Variants in NOL4 observed in about 807,000 individuals in gnomAD.
NOL4 encodes the protein cancer/testis antigen 125.
Under a neutral mutation model 75.9 loss-of-function variants are expected in NOL4, and 17 were observed. That is an observed-to-expected ratio of 0.22 (90% confidence interval 0.15 to 0.34). The LOEUF (loss-of-function observed/expected upper bound fraction) is 0.34. Ranked by LOEUF, NOL4 falls within the 10% of genes least tolerant of loss-of-function variation. The pLI, the probability that NOL4 is intolerant of heterozygous loss-of-function variation, is 1.00. For missense variants in NOL4, 614 were observed against 793.5 expected, an observed-to-expected ratio of 0.77 and a Z score of 2.72; for synonymous variants, 292 against 289.9, an observed-to-expected ratio of 1.01 and a Z score of -0.07.
intron 1 of NOL4, among the ~76,000 whole-genome samples, chr18:34,187,050 G>A (rs893513457): frequency 2.6e-5 from 4 of 152,028 alleles, no homozygotes; most frequent in African/African-American, 7.2e-5. Context: ...CACCCAGAGT[G>A]GACTTATAGT....
intron 9 of NOL4, among the ~76,000 whole-genome samples, chr18:33,918,245 G>A (rs2066841975): frequency 6.6e-6 from 1 of 152,142 alleles, no homozygotes; most frequent in African/African-American, 2.4e-5. Context: ...CACTGAGCAA[G>A]GCTGCTGGTT....
At chr18:33,967,293 G>A (rs929726079) in intron 6 of NOL4, among the ~76,000 whole-genome samples, 1 of 152,094 alleles carries the variant, frequency 6.6e-6, no homozygotes, top group Non-Finnish European at 1.5e-5. Flanking sequence ...AATGAAACTG[G>A]ACCACTACCT....
chr18:34,048,000 A>T (rs2076459526), intron 5 of NOL4, among the ~76,000 whole-genome samples: 2 of 152,152 alleles, frequency 1.3e-5, no homozygotes, highest in African/African-American at 4.8e-5. Flanking sequence ...ATGGATTTTT[A>T]AAATATGTAT....
intron 10 of NOL4, among the ~76,000 whole-genome samples, chr18:33,873,489 A>G (rs1313879271): frequency 1.3e-5 from 2 of 152,024 alleles, no homozygotes; most frequent in Non-Finnish European, 2.9e-5. Context: ...ATGTATTTCA[A>G]GATATTTCTC....
At chr18:33,962,037 G>A (rs887615701) in intron 6 of NOL4, among the ~76,000 whole-genome samples, 1 of 152,022 alleles carries the variant, frequency 6.6e-6, no homozygotes, top group African/African-American at 2.4e-5. Flanking sequence ...AATCCCTTGG[G>A]TACCAACCTT....
chr18:34,100,992 TA>T (rs2079019463), intron 4 of NOL4, among the ~76,000 whole-genome samples: 1 of 152,174 alleles, frequency 6.6e-6, no homozygotes, highest in African/African-American at 2.4e-5. Flanking sequence ...TTGTTCAGAT[TA>T]AAGACCTTGG....
chr18:34,062,483 A>G (rs2077103041), intron 5 of NOL4, among the ~76,000 whole-genome samples: 1 of 152,112 alleles, frequency 6.6e-6, no homozygotes, highest in African/African-American at 2.4e-5. Context: ...GAATTTATAA[A>G]TTAGCTAAAG....
At chr18:33,956,701 A>G (rs1189085733) in intron 8 of NOL4, among the ~76,000 whole-genome samples, 1 of 152,168 alleles carries the variant, frequency 6.6e-6, no homozygotes, top group Non-Finnish European at 1.5e-5. Context: ...CAGTAATCTA[A>G]TGTCAACATA....
intron 2 of NOL4, among the ~76,000 whole-genome samples, chr18:34,110,187 C>T (rs1226407202): frequency 3.7e-5 from 5 of 134,910 alleles, no homozygotes; most frequent in Non-Finnish European, 6.2e-5. Context: ...GGAACACTTC[C>T]AAGTTCATGT....
At chr18:33,886,828 T>G (rs1599747038) in intron 9 of NOL4, among the ~76,000 whole-genome samples, 1 of 137,790 alleles carries the variant, frequency 7.3e-6, no homozygotes, top group African/African-American at 2.6e-5. Flanking sequence ...TCTATATACA[T>G]ATATATCTAT....
chr18:33,906,307 C>A (rs1360435433), intron 9 of NOL4, among the ~76,000 whole-genome samples: 1 of 152,156 alleles, frequency 6.6e-6, no homozygotes, highest in Non-Finnish European at 1.5e-5. Flanking sequence ...CCTCTGGACT[C>A]CAACCCTTTC....
At chr18:34,008,497 A>G (rs2074185733) in intron 6 of NOL4, among the ~76,000 whole-genome samples, 1 of 151,968 alleles carries the variant, frequency 6.6e-6, no homozygotes, top group African/African-American at 2.4e-5. Context: ...GAAAAATGTA[A>G]AAATAAATAT....
intron 5 of NOL4, among the ~76,000 whole-genome samples, chr18:34,052,332 CT>C (rs999129149): frequency 1.3e-4 from 20 of 151,132 alleles, no homozygotes; most frequent in Admixed American, 4.6e-4. Flanking sequence ...ACACCATTGT[CT>C]TTTTTTTTCT....
At chr18:34,081,118 G>A (rs1377525895) in intron 5 of NOL4, among the ~76,000 whole-genome samples, 1 of 152,158 alleles carries the variant, frequency 6.6e-6, no homozygotes, top group Non-Finnish European at 1.5e-5. Flanking sequence ...TGCCTAAGTG[G>A]TAACTGATTC....
chr18:34,119,606 G>T (rs1361469656), intron 2 of NOL4, among the ~76,000 whole-genome samples: 1 of 151,932 alleles, frequency 6.6e-6, no homozygotes, highest in Admixed American at 6.6e-5. Context: ...CCAGTCAGGA[G>T]TATCTGGGTT....
chr18:33,944,387 C>T (rs905429616), intron 8 of NOL4, among the ~76,000 whole-genome samples: 3 of 151,806 alleles, frequency 2.0e-5, no homozygotes, highest in African/African-American at 7.3e-5. Flanking sequence ...CAGACCACAC[C>T]GTTTTAACAG....
intron 5 of NOL4, among the ~76,000 whole-genome samples, chr18:34,037,668 A>G (rs2075969616): frequency 6.6e-6 from 1 of 152,056 alleles, no homozygotes. Flanking sequence ...GGGAAAGGAC[A>G]CCCTCTTCGA....
intron 9 of NOL4, among the ~76,000 whole-genome samples, chr18:33,933,565 C>A (rs1162402702): frequency 6.6e-6 from 1 of 152,102 alleles, no homozygotes; most frequent in African/African-American, 2.4e-5. Context: ...GTTTTTAAAG[C>A]TTTGTTTTTA....
chr18:33,886,965 A>C (rs2064748301), intron 9 of NOL4, among the ~76,000 whole-genome samples: 2 of 140,282 alleles, frequency 1.4e-5, no homozygotes, highest in Non-Finnish European at 3.1e-5. Context: ...ATATCTAGAT[A>C]TATCTATATA....
Sources: allele counts gnomAD v4.1 joint callset (sites outside exome capture counted in the v4.1 genomes callset), GRCh38; gene constraint gnomAD v4.1.1; transcripts MANE v1.5; gene names NCBI Gene and HGNC (gene_info 2026-07-23, HGNC 2026-07-21).